The following NXPE4 variants were observed in gnomAD, a reference collection of about 807,000 sequenced individuals.
The protein encoded by NXPE4 is NXPE family member 4.
NXPE4 carries 42 observed loss-of-function variants against 33.3 expected under a neutral mutation model. The observed-to-expected ratio is 1.26, with a 90% CI of 0.98 to 1.63. The LOEUF (loss-of-function observed/expected upper bound fraction) is 1.63. NXPE4 is among the 40% of genes most tolerant of loss of function. The probability of loss-of-function intolerance (pLI) is 0.00; values close to 1 mark genes in which losing one functional copy is unlikely to be tolerated. For synonymous variants in NXPE4, 253 were observed against 234.9 expected (o/e 1.08, Z -0.71); for missense variants, 709 against 647.6 (o/e 1.09, Z -1.03).
the NXPE4 span, among the ~76,000 whole-genome samples, chr11:114,649,902 G>C: frequency 6.6e-6 from 1 of 152,146 alleles, no homozygotes; most frequent in East Asian, 1.9e-4. Context: ...AGGGCTGGTT[G>C]GTAAATGCGT....
intron 5 of NXPE4, among the ~76,000 whole-genome samples, chr11:114,577,971 A>G (rs76612510): frequency 0.014 from 2,183 of 152,270 alleles, 51 homozygotes; most frequent in African/African-American, 0.05. Context: ...CTATCCATTC[A>G]CCTCAAGGAT....
the NXPE4 span, among the ~76,000 whole-genome samples, chr11:114,618,642 G>A: frequency 4.6e-5 from 7 of 151,838 alleles, no homozygotes; most frequent in Admixed American, 1.3e-4. Flanking sequence ...ACTGTTCCCC[G>A]GTTTATAATA....
chr11:114,664,519 A>G, the NXPE4 span, among the ~76,000 whole-genome samples: 1 of 152,330 alleles, frequency 6.6e-6, no homozygotes, highest in East Asian at 1.9e-4. Context: ...AAACCTGGAC[A>G]GAGTGTCATT....
chr11:114,622,349 C>T, the NXPE4 span, among the ~76,000 whole-genome samples: 1 of 152,180 alleles, frequency 6.6e-6, no homozygotes, highest in Non-Finnish European at 1.5e-5. Flanking sequence ...TAAGTGTTGC[C>T]TCGTGGGTAA....
chr11:114,576,944 C>T (rs1949006115), intron 5 of NXPE4, among the ~76,000 whole-genome samples: 1 of 145,206 alleles, frequency 6.9e-6, no homozygotes, highest in Non-Finnish European at 1.5e-5. Flanking sequence ...GCCCAAATGC[C>T]CATTAATCAA....
the NXPE4 span, among the ~76,000 whole-genome samples, chr11:114,666,555 A>G: frequency 8.5e-5 from 13 of 152,212 alleles, no homozygotes; most frequent in African/African-American, 3.1e-4. Context: ...AAATGGCATA[A>G]GAAATTAACT....
At chr11:114,632,384 GATATAA>G in the NXPE4 span, among the ~76,000 whole-genome samples, 1 of 127,506 alleles carries the variant, frequency 7.8e-6, no homozygotes, top group Non-Finnish European at 1.6e-5. Flanking sequence ...AGTTATATAT[GATATAA>G]ATATAAATAT....
chr11:114,635,777 G>A, the NXPE4 span, among the ~76,000 whole-genome samples: 20 of 151,958 alleles, frequency 1.3e-4, no homozygotes, highest in African/African-American at 4.8e-4. Flanking sequence ...TTATTGATTT[G>A]CATATATTGA....
chr11:114,643,875 T>C, the NXPE4 span, among the ~76,000 whole-genome samples: 1 of 152,194 alleles, frequency 6.6e-6, no homozygotes, highest in Non-Finnish European at 1.5e-5. Flanking sequence ...TTTCATGATA[T>C]TAATTCTTCC....
chr11:114,575,720 C>T (rs970668185), intron 5 of NXPE4, among the ~76,000 whole-genome samples: 17 of 152,074 alleles, frequency 1.1e-4, no homozygotes, highest in African/African-American at 3.9e-4. Flanking sequence ...TAAATGGAAA[C>T]ACATCACATG....
the NXPE4 span, among the ~76,000 whole-genome samples, chr11:114,650,060 C>A: frequency 6.6e-6 from 1 of 152,092 alleles, no homozygotes; most frequent in South Asian, 2.1e-4. Flanking sequence ...ACACTGCTTC[C>A]ACCCTAACAA....
At chr11:114,583,114 T>A in intron 2 of NXPE4, 93 bp from the exon 3 acceptor site, 1 of 1,333,378 alleles carries the variant, frequency 7.5e-7, no homozygotes, top group African/African-American at 1.5e-5. Flanking sequence ...GAAATTAACA[T>A]GTTCCTAGTC....
the NXPE4 span, among the ~76,000 whole-genome samples, chr11:114,601,871 A>G: frequency 4.7e-4 from 2 of 4,252 alleles, no homozygotes; most frequent in Non-Finnish European, 6.1e-4. Flanking sequence ...ACAATTATAT[A>G]TATTATATAT....
chr11:114,580,187 T>C lies in NXPE4; in HGVS notation c.1044A>G (p.Leu348=), dbSNP rs1949104403. The C allele has an allele frequency of 1.2e-6, 2 of 1,614,088 alleles. No homozygotes were observed. The highest frequency in any genetic ancestry group is 2.2e-5 in the South Asian group (2 of 91,080). The change falls in exon 5 of 6, where the codon CTA becomes CTG. Residue 348 remains leucine (L), a synonymous_variant. Transcript: ENST00000375478. ...KECLRGKLIY[L]MGDSTIRQWM... is the part of the protein sequence containing the mutation. ...ACTGGCGGATCGTGGAATCTCCCAT[T>C]AGGTATATGAGTTTTCCTCTCAGGC...
At chr11:114,632,657 A>G in the NXPE4 span, among the ~76,000 whole-genome samples, 5 of 91,398 alleles carry the variant, frequency 5.5e-5, no homozygotes, top group Non-Finnish European at 7.6e-5. Context: ...AATGTAAAAT[A>G]AATATATAGT....
chr11:114,647,157 A>G, the NXPE4 span, among the ~76,000 whole-genome samples: 1 of 152,208 alleles, frequency 6.6e-6, no homozygotes, highest in Non-Finnish European at 1.5e-5. Flanking sequence ...AATTACAGTG[A>G]TTCTCATTAC....
the NXPE4 span, among the ~76,000 whole-genome samples, chr11:114,633,701 G>A: frequency 6.7e-6 from 1 of 150,188 alleles, no homozygotes; most frequent in East Asian, 1.9e-4. Flanking sequence ...ACCTATGAGT[G>A]AGAACATGTG....
chr11:114,607,900 CCA>C, the NXPE4 span, among the ~76,000 whole-genome samples: 1 of 151,880 alleles, frequency 6.6e-6, no homozygotes, highest in East Asian at 1.9e-4. Flanking sequence ...TCGTGGGTAA[CCA>C]CAGTTACCCA....
chr11:114,578,627 C>A (rs1949067805), intron 5 of NXPE4, among the ~76,000 whole-genome samples: 1 of 152,178 alleles, frequency 6.6e-6, no homozygotes, highest in Non-Finnish European at 1.5e-5. Flanking sequence ...AGTTTGAGAT[C>A]ATGAGTGGCC....
Sources: gnomAD v4.1 joint callset for allele counts (sites outside exome capture counted in the v4.1 genomes callset) on GRCh38, gnomAD v4.1.1 for gene constraint, MANE v1.5 for transcripts, NCBI Gene and HGNC (gene_info 2026-07-23, HGNC 2026-07-21) for gene names.